The following TCAF2 variants were observed in gnomAD, a reference collection of about 807,000 sequenced individuals.
The protein encoded by TCAF2 is TRPM8 channel associated factor 2.
TCAF2 carries 6 observed loss-of-function variants against 33.9 expected under a neutral mutation model. That is an observed-to-expected ratio of 0.18 (90% confidence interval 0.10 to 0.35). The LOEUF (loss-of-function observed/expected upper bound fraction) is 0.35, where lower values mean the gene tolerates loss of function less well. Among genes scored for constraint, TCAF2 ranks in the 10% least tolerant of loss-of-function variants. The pLI is 1.00. For synonymous variants in TCAF2, 41 were observed against 247.8 expected, an observed-to-expected ratio of 0.17 and a Z score of 7.84; for missense variants, 109 against 604.0, an observed-to-expected ratio of 0.18 and a Z score of 8.59.
chr7:143,634,999 T>C (rs1808911801), intron 1 of TCAF2, among the ~76,000 whole-genome samples: 1 of 108,472 alleles, frequency 9.2e-6, no homozygotes, highest in East Asian at 2.5e-4. Context: ...CTTTTTTTGA[T>C]GTTATAGATC....
intron 1 of TCAF2, among the ~76,000 whole-genome samples, chr7:143,701,972 G>A (rs1160797682): frequency 7.1e-5 from 2 of 28,084 alleles, no homozygotes. Flanking sequence ...ACAGGTGCAC[G>A]CCACCATGCC....
At chr7:143,647,899 T>G (rs1809091327) in intron 1 of TCAF2, among the ~76,000 whole-genome samples, 1 of 145,358 alleles carries the variant, frequency 6.9e-6, no homozygotes, top group Non-Finnish European at 1.5e-5. Flanking sequence ...TTTCTTTCTT[T>G]TCTTTCTTTC....
chr7:143,724,482 C>G lies in TCAF2; in HGVS notation c.2290C>G (p.Gln764Glu), dbSNP rs560909846. The G allele has an allele frequency of 6.2e-7, 1 of 1,611,220 alleles. No homozygotes were observed. The change falls in exon 7 of 8, where the codon CAG becomes GAG. Residue 764 changes from glutamine to glutamate, a missense_variant. Transcript: ENST00000684770. ...CATCCATGAGCTGGGCCACAACCAA[C>G]AGCGGCATGGATGGGAGTTCCCCCC... ...GPIHELGHNQ[Q>E]RHGWEFPPHT...
At position 143,728,888 on chromosome 7, in the gene TCAF2, TG is replaced by T. The variant is rs1421971281; in HGVS notation, c.*1222del. 6.6e-6 allele frequency: 1 copy of T among 152,196 alleles called. No individual in the cohort carries two copies. Among genetic ancestry groups the T allele is most frequent in the African/African-American group, 2.4e-5 (1 of 41,444 alleles). The allele number at this position is 152,196 out of a possible 1,614,324, so 9.4% of individuals were successfully genotyped here. On this transcript the variant is annotated 3_prime_UTR_variant, in exon 8 of 8. Transcript: ENST00000684770. ...TCTCCAGTTTACTTTTAGACCATATTGTTGTTTGTTTTGAATATCATTCCTT... is the reference window on the plus strand; with the variant it reads ...TCTCCAGTTTACTTTTAGACCATATTTTGTTTGTTTTGAATATCATTCCTT...
chr7:143,711,413 ACTTT>A (rs1398382375), intron 2 of TCAF2, among the ~76,000 whole-genome samples: 2 of 6,920 alleles, frequency 2.9e-4, no homozygotes, highest in Admixed American at 2.3e-3. Flanking sequence ...CCTATTCTGG[ACTTT>A]CTTTCAGCTC....
At position 143,729,744 on chromosome 7, in the gene TCAF2, A is replaced by C. The variant is rs1283363170; in HGVS notation, c.*2077A>C. On this transcript the variant is annotated 3_prime_UTR_variant, in exon 8 of 8. Transcript: ENST00000684770. ...TCTGCATGCATTAGATATTTGTCCTAATGCTCTCCCTCCCATTGCCCCCAA... is the reference window on the plus strand; with the variant it reads ...TCTGCATGCATTAGATATTTGTCCTCATGCTCTCCCTCCCATTGCCCCCAA... 1 of 151,962 alleles carries C rather than the reference A, an allele frequency of 6.6e-6. No homozygotes were observed. Among genetic ancestry groups the C allele is most frequent in the East Asian group, 1.9e-4 (1 of 5,170 alleles). The allele number at this position is 151,962 out of a possible 1,614,324, so 9.4% of individuals were successfully genotyped here.
rs1198153790 is a variant in TCAF2, at chr7:143,730,185, T to G, written c.*2518T>G. The G allele has an allele frequency of 6.6e-6, 1 of 152,138 alleles. No individual in the cohort carries two copies. The highest frequency in any genetic ancestry group is 1.5e-5 in the Non-Finnish European group (1 of 68,034). The allele number at this position is 152,138 out of a possible 1,614,324, so 9.4% of individuals were successfully genotyped here. ...CTAGATCTTTGAGGAATCATCACAT[T>G]GTCTTCCACAATGGTTGAACTAATT... is the stretch of plus-strand genomic sequence containing the variant. On this transcript the variant is annotated 3_prime_UTR_variant, in exon 8 of 8. Coordinates refer to ENST00000684770, the MANE Select transcript of TCAF2 (RefSeq NM_001363538.2).
rs1808808291 is a variant in TCAF2 at position 143,624,587 on chromosome 7, C to T, written c.-12+3567C>T. 4.0e-5 allele frequency among the ~76,000 whole-genome samples: 2 copies of T among 50,020 alleles called. 1 individual carries two copies. Among genetic ancestry groups the T allele is most frequent in the Non-Finnish European group, 9.8e-5 (2 of 20,408 alleles). 32.8% of individuals were successfully genotyped at this position (50,020 alleles called of 152,430 possible). A position where few individuals can be genotyped will look rare whatever the true frequency, so the allele number is the denominator to read the frequency against. On this transcript the variant is annotated intron_variant, in intron 1 of 7. Transcript: ENST00000684770. The stretch of plus-strand genomic sequence containing the variant: ...GCTGGGCCCTCACTGCCACTCCCTC[C>T]TGTGGCCAAAGCTGAATAGAAAAGC...
rs1379897790 is a variant in TCAF2 at position 143,708,279 on chromosome 7, C to T, written c.623+4662C>T. On this transcript the variant is annotated intron_variant, in intron 2 of 7. Transcript: ENST00000684770. ...GAATGAAGTTTTGTTGGAGCACAGC[C>T]GTGCCCATTCATTCACAAACTGTGG... Among the ~76,000 whole-genome samples, 5 of 64,358 alleles carry T rather than the reference C, an allele frequency of 7.8e-5. 2 individuals carry two copies. In the Admixed American group the frequency reaches 1.2e-3, roughly 15 times the overall value. 42.2% of individuals were successfully genotyped at this position (64,358 alleles called of 152,430 possible). A position where few individuals can be genotyped will look rare whatever the true frequency, so the allele number is the denominator to read the frequency against.
rs76380317 is a variant in TCAF2 at position 143,730,293 on chromosome 7, C to T, written c.*2626C>T. 0.12 allele frequency: 17,639 copies of T among 152,018 alleles called. 1,213 individuals carry two copies. The highest frequency in any genetic ancestry group is 0.25 in the East Asian group (1,292 of 5,134). 9.4% of individuals were successfully genotyped at this position (152,018 alleles called of 1,614,324 possible). ...TGTTGTTTCCTGACTTTTTAATGAT[C>T]GCCATTCTAACTGGCATGAGATGGT... On this transcript the variant is annotated 3_prime_UTR_variant, in exon 8 of 8. Transcript: ENST00000684770.
At chr7:143,628,094 G>A (rs1386129437) in intron 1 of TCAF2, among the ~76,000 whole-genome samples, 1 of 18,318 alleles carries the variant, frequency 5.5e-5, no homozygotes, top group African/African-American at 2.8e-4. Flanking sequence ...CTGGGCAACA[G>A]ACTGAGACTC....
At chr7:143,647,868 T>C (rs185515554) in intron 1 of TCAF2, among the ~76,000 whole-genome samples, 1 of 145,140 alleles carries the variant, frequency 6.9e-6, no homozygotes, top group East Asian at 2.4e-4. Flanking sequence ...CATATTATCA[T>C]TTAATTGGCA....
rs1809780318 is a variant in TCAF2, at chr7:143,730,113, G to T, written c.*2446G>T. On this transcript the variant is annotated 3_prime_UTR_variant, in exon 8 of 8. Coordinates refer to ENST00000684770, the MANE Select transcript of TCAF2 (RefSeq NM_001363538.2). ...AGTAGAATGGTTTATAGTCCTTTGGGTGTATATCCAGTAATGGGATTGCTG... is the reference window on the plus strand; with the variant it reads ...AGTAGAATGGTTTATAGTCCTTTGGTTGTATATCCAGTAATGGGATTGCTG... The T allele has an allele frequency of 6.6e-6, 1 of 152,100 alleles. No homozygotes were observed. Among genetic ancestry groups the T allele is most frequent in the East Asian group, 1.9e-4 (1 of 5,188 alleles). The allele number at this position is 152,100 out of a possible 1,614,324, so 9.4% of individuals were successfully genotyped here.
chr7:143,635,244 G>A (rs1452597346), intron 1 of TCAF2, among the ~76,000 whole-genome samples: 1 of 9,486 alleles, frequency 1.1e-4, no homozygotes, highest in Non-Finnish European at 2.6e-4. Flanking sequence ...TGACAGCAGC[G>A]CACTTCACAC....
Position 143,720,944 on chromosome 7 carries a change from T to C in TCAF2, c.1615+270T>C, listed in dbSNP as rs1809531795. On this transcript the variant is annotated intron_variant, in intron 3 of 7. Coordinates refer to ENST00000684770, the MANE Select transcript of TCAF2 (RefSeq NM_001363538.2). ...ACAGGCACACGCCACCATGCCTGGC[T>C]AATTTTTGTATTTTTAGTAGAGAGG... is the stretch of plus-strand genomic sequence containing the variant. 3 of 335,568 alleles carry C rather than the reference T, an allele frequency of 8.9e-6. 1 individual carries two copies. The highest frequency in any genetic ancestry group is 5.3e-6 in the Non-Finnish European group (1 of 188,134). The allele number at this position is 335,568 out of a possible 1,614,324, so 20.8% of individuals were successfully genotyped here. A position where few individuals can be genotyped will look rare whatever the true frequency, so the allele number is the denominator to read the frequency against.
chr7:143,722,621 C>CT, intron 4 of TCAF2, 37 bp from the exon 5 acceptor site: 1 of 57,868 alleles, frequency 1.7e-5, no homozygotes, highest in Non-Finnish European at 2.9e-5. Flanking sequence ...CACAAAGACT[C>CT]TAATTTCTCC....
intron 1 of TCAF2, among the ~76,000 whole-genome samples, chr7:143,636,808 TG>T: frequency 7.7e-5 from 1 of 12,940 alleles, no homozygotes; most frequent in Non-Finnish European, 2.4e-4. Context: ...AAGTTTGACA[TG>T]GATCATCTCA....
Position 143,724,506 on chromosome 7 carries a change from C to T in TCAF2, c.2314C>T (p.Pro772Ser). 6.2e-7 allele frequency: 1 copy of T among 1,611,146 alleles called. No homozygotes were observed. Among genetic ancestry groups the T allele is most frequent in the Non-Finnish European group, 8.5e-7 (1 of 1,179,554 alleles). The change falls in exon 7 of 8, where the codon CCA (proline) becomes TCA (serine). Residue 772 changes from proline (P) to serine (S), a missense_variant. By Grantham distance (74) the Pro-to-Ser change is moderately conservative. Coordinates refer to ENST00000684770, the MANE Select transcript of TCAF2 (RefSeq NM_001363538.2). ...ACAGCGGCATGGATGGGAGTTCCCC[C>T]CACACACTACTGAGGCCACCTGTAA... is the stretch of plus-strand genomic sequence containing the variant. Reference protein sequence around the residue: ...NQQRHGWEFPPHTTEATCNLW... With the variant: ...NQQRHGWEFPSHTTEATCNLW...
At chr7:143,647,714 TAG>T (rs1007814742) in intron 1 of TCAF2, 1 of 276,906 alleles carries the variant, frequency 3.6e-6, no homozygotes, top group African/African-American at 2.7e-5. Flanking sequence ...ACTCATTGAG[TAG>T]AGAAATCTAT....
Sources: gnomAD v4.1 joint callset for allele counts (sites outside exome capture counted in the v4.1 genomes callset) on GRCh38, gnomAD v4.1.1 for gene constraint, MANE v1.5 for transcripts, NCBI Gene and HGNC (gene_info 2026-07-23, HGNC 2026-07-21) for gene names.